The following RANBP2 variants were observed in gnomAD, a reference collection of about 807,000 sequenced individuals.
The protein encoded by RANBP2 is E3 SUMO-protein ligase RanBP2.
In RANBP2, 57 loss-of-function variants were observed where a neutral mutation model predicts 303.6. That is an observed-to-expected ratio of 0.19 (90% CI 0.15 to 0.23). The LOEUF is 0.23. Among genes scored for constraint, RANBP2 ranks in the 10% least tolerant of loss-of-function variants. The pLI, the probability that RANBP2 is intolerant of heterozygous loss-of-function variation, is 1.00. For synonymous variants in RANBP2, 1,167 were observed against 1,301.5 expected (o/e 0.90, Z 2.23); for missense variants, 3,138 against 3,780.8 (o/e 0.83, Z 4.46).
chr2:109,558,888 A>G, the RANBP2 span, among the ~76,000 whole-genome samples: 8 of 148,054 alleles, frequency 5.4e-5, no homozygotes, highest in Admixed American at 1.3e-4. Context: ...AACAGATATA[A>G]ATTCTTTTTT....
the RANBP2 span, among the ~76,000 whole-genome samples, chr2:109,494,860 C>T: frequency 2.0e-5 from 3 of 152,254 alleles, no homozygotes; most frequent in Non-Finnish European, 4.4e-5. Context: ...AGAGAGCGGG[C>T]GCTGCTCTCC....
At chr2:109,546,345 T>G in the RANBP2 span, 1 of 585,306 alleles carries the variant, frequency 1.7e-6, no homozygotes. Flanking sequence ...CAGAATAACC[T>G]ACACAGTCAA....
the RANBP2 span, among the ~76,000 whole-genome samples, chr2:109,415,294 G>A: frequency 5.3e-5 from 8 of 152,338 alleles, no homozygotes; most frequent in Non-Finnish European, 1.0e-4. Context: ...CTAACACCAC[G>A]GTGTGGTGGC....
At chr2:109,303,710 C>T in the RANBP2 span, among the ~76,000 whole-genome samples, 1 of 152,108 alleles carries the variant, frequency 6.6e-6, no homozygotes, top group East Asian at 1.9e-4. Flanking sequence ...TTTTAAAAAC[C>T]ACTTTGTTGA....
the RANBP2 span, among the ~76,000 whole-genome samples, chr2:109,555,705 T>TA: frequency 6.6e-6 from 1 of 152,324 alleles, no homozygotes; most frequent in African/African-American, 2.4e-5. Context: ...TGTGATCAAT[T>TA]ACGCAGCTGA....
chr2:109,080,023 G>A, the RANBP2 span, among the ~76,000 whole-genome samples: 2 of 152,208 alleles, frequency 1.3e-5, no homozygotes, highest in Admixed American at 6.5e-5. Flanking sequence ...TGGAATACCC[G>A]GAATAGGGCT....
At chr2:109,379,857 A>G in the RANBP2 span, among the ~76,000 whole-genome samples, 13 of 152,290 alleles carry the variant, frequency 8.5e-5, no homozygotes, top group Middle Eastern at 3.4e-3. Flanking sequence ...GAAGCACCCA[A>G]TGGCGTGTCT....
At chr2:109,108,413 G>A in the RANBP2 span, among the ~76,000 whole-genome samples, 1 of 152,152 alleles carries the variant, frequency 6.6e-6, no homozygotes, top group Admixed American at 6.5e-5. Context: ...ATTTAAACCA[G>A]GAGGAAGCAC....
At chr2:109,284,063 T>A in the RANBP2 span, among the ~76,000 whole-genome samples, 1,342 of 152,156 alleles carry the variant, frequency 8.8e-3, 10 homozygotes, top group Non-Finnish European at 0.015. Context: ...TGCTGTCACC[T>A]CCCTTGTCCT....
the RANBP2 span, among the ~76,000 whole-genome samples, chr2:109,172,929 C>G: frequency 6.6e-6 from 1 of 152,222 alleles, no homozygotes; most frequent in East Asian, 1.9e-4. Context: ...GTGGGTATAA[C>G]TGTTGTGTGA....
chr2:109,151,032 A>C, the RANBP2 span, among the ~76,000 whole-genome samples: 1 of 152,182 alleles, frequency 6.6e-6, no homozygotes, highest in Admixed American at 6.5e-5. Context: ...AGTGCAATGC[A>C]AGGGAGAGGC....
intron 7 of RANBP2, among the ~76,000 whole-genome samples, chr2:108,744,166 G>A (rs1225595366): frequency 6.6e-6 from 1 of 152,202 alleles, no homozygotes; most frequent in Non-Finnish European, 1.5e-5. Flanking sequence ...CACTTTGGGA[G>A]GCTGAGGCGG....
chr2:109,341,419 T>C, the RANBP2 span, among the ~76,000 whole-genome samples: 1 of 152,198 alleles, frequency 6.6e-6, no homozygotes, highest in Non-Finnish European at 1.5e-5. Flanking sequence ...TTGAAAGTGC[T>C]TTTCAAAGAT....
At chr2:109,453,226 T>C in the RANBP2 span, among the ~76,000 whole-genome samples, 1 of 152,166 alleles carries the variant, frequency 6.6e-6, no homozygotes, top group African/African-American at 2.4e-5. Context: ...CAGCCTACTC[T>C]CCCAGGTCTC....
At chr2:109,624,640 C>A in the RANBP2 span, among the ~76,000 whole-genome samples, 77,511 of 152,026 alleles carry the variant, frequency 0.51, 20,563 homozygotes, top group East Asian at 0.7. Context: ...GAAAGGGAGT[C>A]ATTAGTGCCA....
the RANBP2 span, among the ~76,000 whole-genome samples, chr2:108,980,829 A>G: frequency 6.6e-6 from 1 of 152,298 alleles, no homozygotes; most frequent in Admixed American, 6.5e-5. Context: ...ACCTGGCACC[A>G]TACTCCATGG....
the RANBP2 span, among the ~76,000 whole-genome samples, chr2:109,059,883 G>T: frequency 6.6e-6 from 1 of 152,188 alleles, no homozygotes; most frequent in African/African-American, 2.4e-5. Flanking sequence ...GGATAATGGG[G>T]TGGGTAGCAT....
At chr2:109,625,335 C>T in the RANBP2 span, among the ~76,000 whole-genome samples, 1 of 151,906 alleles carries the variant, frequency 6.6e-6, no homozygotes, top group African/African-American at 2.4e-5. Flanking sequence ...TGCTGTCATA[C>T]AATGACATGT....
the RANBP2 span, among the ~76,000 whole-genome samples, chr2:109,679,725 A>G: frequency 1.3e-5 from 2 of 152,206 alleles, no homozygotes; most frequent in East Asian, 1.9e-4. Context: ...CTTGTTACAA[A>G]TGGGTCCTAA....
Sources: allele counts gnomAD v4.1 joint callset (sites outside exome capture counted in the v4.1 genomes callset), GRCh38; gene constraint gnomAD v4.1.1; transcripts MANE v1.5; gene names NCBI Gene and HGNC (gene_info 2026-07-23, HGNC 2026-07-21).